PADI6: variants seen among roughly 807,000 people sequenced by gnomAD.
PADI6 encodes inactive protein-arginine deiminase type-6.
In PADI6, 66 loss-of-function variants were observed where a neutral mutation model predicts 78.2. That is an observed-to-expected ratio of 0.84 (90% CI 0.69 to 1.04). The LOEUF (loss-of-function observed/expected upper bound fraction) is 1.04, where lower values mean the gene tolerates loss of function less well. Ranked by LOEUF, PADI6 falls within the 50% of genes least tolerant of loss-of-function variation. The probability of loss-of-function intolerance (pLI) is 0.00; values close to 1 mark genes in which losing one functional copy is unlikely to be tolerated. For missense variants in PADI6, 854 were observed against 866.1 expected (o/e 0.99, Z 0.18); for synonymous variants, 397 against 346.9 (o/e 1.14, Z -1.60).
In PADI6 at chr1:17,394,966, C is replaced by T. The variant is rs1382857705; in HGVS notation, c.1353C>T (p.Ala451=). ...TTCCTTCTAGCGCAGAGGGCCGGGCCATGAGTAAGACCCTCCGAGACTTCC... is the reference window on the plus strand; with the variant it reads ...TTCCTTCTAGCGCAGAGGGCCGGGCTATGAGTAAGACCCTCCGAGACTTCC... ...SSFYPSAEGR[A]MSKTLRDFLY... The change falls in exon 12 of 16, where the codon GCC becomes GCT. Residue 451 remains alanine (A), a synonymous_variant. Transcript: ENST00000619609. The T allele has an allele frequency of 1.9e-6, 3 of 1,612,320 alleles. No individual in the cohort carries two copies. The South Asian group carries it at 3.3e-5, about 18-fold the overall frequency.
In PADI6 at chr1:17,388,535, C is replaced by T. The variant is rs776667635; in HGVS notation, c.834C>T (p.Ser278=). Residue 278 remains serine (S), a synonymous_variant, in exon 7 of 16, where the codon TCC becomes TCT. Transcript: ENST00000619609. ...CAGGCCTCATCTCCTACTCTGTGTC[C>T]CTGGTGGAGGAGTCTCAAGACCCGG... ...EFSGLISYSV[S]LVEESQDPSI... 3 of 1,612,760 alleles carry T rather than the reference C, an allele frequency of 1.9e-6. No individual in the cohort carries two copies. Among genetic ancestry groups the T allele is most frequent in the South Asian group, 2.2e-5 (2 of 90,960 alleles).
At position 17,377,615 on chromosome 1, in the gene PADI6, G is replaced by A. The variant is rs561159701; in HGVS notation, c.367+2116G>A. Among the ~76,000 whole-genome samples, 4 of 152,348 alleles carry A rather than the reference G, an allele frequency of 2.6e-5. No homozygotes were observed. In the South Asian group the frequency reaches 6.2e-4, roughly 24 times the overall value. On this transcript the variant is annotated intron_variant, in intron 3 of 15. Transcript: ENST00000619609. The stretch of plus-strand genomic sequence containing the variant: ...AGTAGTCCCTCCATCACAGTAGGCG[G>A]TAGCTCCATCCTTCTAGTGTAAACC...
chr1:17,374,778 A>G (rs2074999310), intron 2 of PADI6, among the ~76,000 whole-genome samples: 1 of 152,182 alleles, frequency 6.6e-6, no homozygotes, highest in South Asian at 2.1e-4. Context: ...TAAAGCTTCT[A>G]TTTAAGGATG....
intron 5 of PADI6, 102 bp from the exon 6 acceptor site, chr1:17,381,865 G>A: frequency 2.9e-6 from 4 of 1,379,192 alleles, no homozygotes; most frequent in Non-Finnish European, 4.1e-6. Flanking sequence ...GGGGTCCTTG[G>A]TGCTCTGTTC....
intron 3 of PADI6, among the ~76,000 whole-genome samples, chr1:17,376,236 G>A (rs1204870799): frequency 6.6e-6 from 1 of 151,898 alleles, no homozygotes; most frequent in Non-Finnish European, 1.5e-5. Context: ...GCCTCCCCAA[G>A]TGCTGGGATT....
chr1:17,394,070 G>T lies in PADI6; in HGVS notation c.1170G>T (p.Met390Ile). The change falls in exon 10 of 16, where the codon ATG becomes ATT. Residue 390 changes from methionine (M) to isoleucine (I), a missense_variant. Met to Ile is a conservative substitution (Grantham distance 10, BLOSUM62 1). Transcript: ENST00000619609. ...CCGCCGATCTCGATGAGTTCCCCATGAAGTACTCACTGGTGTGGAACTTGG... is the reference window on the plus strand; with the variant it reads ...CCGCCGATCTCGATGAGTTCCCCATTAAGTACTCACTGGTGTGGAACTTGG... ...PQAADLDEFP[M>I]KYSLSPGIGY... is the part of the protein sequence containing the mutation. The T allele has an allele frequency of 6.2e-7, 1 of 1,613,630 alleles. No homozygotes were observed. Among genetic ancestry groups the T allele is most frequent in the South Asian group, 1.1e-5 (1 of 91,072 alleles).
In PADI6 at chr1:17,395,074, C is replaced by T; in HGVS notation, c.1461C>T (p.Phe487=). 6.2e-7 allele frequency: 1 copy of T among 1,614,014 alleles called. No individual in the cohort carries two copies. The highest frequency in any genetic ancestry group is 8.5e-7 in the Non-Finnish European group (1 of 1,179,888). The part of the protein sequence containing the change: ...MTGHVDEFMC[F]IPTDDKNEGK... ...GCCACGTGGATGAGTTCATGTGCTT[C>T]ATCCCCACAGATGACAAGAATGAGG... The change falls in exon 12 of 16, where the codon TTC becomes TTT. Residue 487 remains phenylalanine, a synonymous_variant. Coordinates refer to ENST00000619609, the MANE Select transcript of PADI6 (RefSeq NM_207421.4).
Position 17,372,369 on chromosome 1 carries a change from G to A in PADI6, c.116+8G>A, listed in dbSNP as rs1168392090. The A allele has an allele frequency of 9.3e-6, 15 of 1,612,004 alleles. No individual in the cohort carries two copies. The highest frequency in any genetic ancestry group is 1.3e-5 in the Non-Finnish European group (15 of 1,178,262). Reference sequence around the variant, plus strand: ...CTGCTTGGATCTCAGCGGGTGAGATGCTGGGAGCTCTGCCAGAGGTGGCAG... The same window carrying A: ...CTGCTTGGATCTCAGCGGGTGAGATACTGGGAGCTCTGCCAGAGGTGGCAG... On this transcript the variant is annotated splice_region_variant and intron_variant, in intron 1 of 15. Transcript: ENST00000619609.
In PADI6 at chr1:17,386,532, G is replaced by A. The variant is rs188167140; in HGVS notation, c.680-1849G>A. 3.3e-5 allele frequency among the ~76,000 whole-genome samples: 5 copies of A among 152,358 alleles called. No homozygotes were observed. The East Asian group carries it at 7.7e-4, about 24-fold the overall frequency. On this transcript the variant is annotated intron_variant, in intron 6 of 15. Transcript: ENST00000619609. Reference sequence around the variant, plus strand: ...ATGCCGTGGGCCTGCTGATGCTATCGCAGGTCAAGAGGGCTGTGTCTGCAC... The same window carrying A: ...ATGCCGTGGGCCTGCTGATGCTATCACAGGTCAAGAGGGCTGTGTCTGCAC...
rs548863781 is a variant in PADI6 at position 17,375,093 on chromosome 1, G to C, written c.295-334G>C. Reference sequence around the variant, plus strand: ...GATGTATAGTGTGGTTTCAAGCTTGGGCTCTAGAGCCAGGCAGCCTGTTTC... The same window carrying C: ...GATGTATAGTGTGGTTTCAAGCTTGCGCTCTAGAGCCAGGCAGCCTGTTTC... On this transcript the variant is annotated intron_variant, in intron 2 of 15. Transcript: ENST00000619609. 3.3e-5 allele frequency among the ~76,000 whole-genome samples: 5 copies of C among 152,240 alleles called. No individual in the cohort carries two copies. The East Asian group carries it at 9.7e-4, about 29-fold the overall frequency.
intron 1 of PADI6, among the ~76,000 whole-genome samples, 180 bp from the exon 2 acceptor site, chr1:17,372,876 G>A (rs74587815): frequency 0.015 from 2,275 of 147,212 alleles, 61 homozygotes; most frequent in African/African-American, 0.054. Flanking sequence ...GGAGCCCGTC[G>A]GAGAGCAAAC....
At chr1:17,394,258 T>A (rs2075222917) in intron 10 of PADI6, 42 bp from the exon 11 acceptor site, 2 of 1,604,104 alleles carry the variant, frequency 1.2e-6, no homozygotes, top group South Asian at 2.2e-5. Flanking sequence ...CCTAAAGCCA[T>A]CCCCTACTAA....
At chr1:17,399,219 A>AC (rs1269023598) in intron 15 of PADI6, among the ~76,000 whole-genome samples, 1 of 152,190 alleles carries the variant, frequency 6.6e-6, no homozygotes, top group African/African-American at 2.4e-5. Context: ...GCCTTGAGCA[A>AC]CCTACCTCAG....
At position 17,388,834 on chromosome 1, in the gene PADI6, G is replaced by A. The variant is rs572087629; in HGVS notation, c.916G>A (p.Val306Ile). 6.2e-7 allele frequency: 1 copy of A among 1,613,846 alleles called. No homozygotes were observed. Among genetic ancestry groups the A allele is most frequent in the South Asian group, 1.1e-5 (1 of 91,002 alleles). Residue 306 changes from valine (V) to isoleucine (I), a missense_variant, in exon 8 of 16, where the codon GTC (valine) becomes ATC (isoleucine). Coordinates refer to ENST00000619609, the MANE Select transcript of PADI6 (RefSeq NM_207421.4). ...DTVVFRVAPC[V>I]FIPCTQVPLE... The stretch of plus-strand genomic sequence containing the variant: ...GGTGGTGTTCCGGGTGGCTCCCTGT[G>A]TCTTCATTCCCTGTACCCAGGTGCC...
At chr1:17,393,900 T>A in intron 9 of PADI6, 75 bp from the exon 10 acceptor site, 1 of 1,357,300 alleles carries the variant, frequency 7.4e-7, no homozygotes, top group Non-Finnish European at 1.0e-6. Flanking sequence ...AGGGGGTTCT[T>A]ACCGTACCTT....
At chr1:17,375,782 C>T (rs887939208) in intron 3 of PADI6, among the ~76,000 whole-genome samples, 7 of 152,118 alleles carry the variant, frequency 4.6e-5, no homozygotes, top group Non-Finnish European at 1.0e-4. Context: ...CCCACCTACG[C>T]CTGTCTAGTG....
chr1:17,395,129 A>G (rs1160883033), intron 12 of PADI6, 22 bp downstream of exon 12: 1 of 1,607,116 alleles, frequency 6.2e-7, no homozygotes, highest in Non-Finnish European at 8.5e-7. Context: ...GGTCTGGAGA[A>G]GGGACATCTG....
Position 17,381,933 on chromosome 1 carries a change from A to G in PADI6, c.554-34A>G, listed in dbSNP as rs777149297. 4.3e-6 allele frequency: 7 copies of G among 1,612,478 alleles called. No homozygotes were observed. In the South Asian group the frequency reaches 6.6e-5, roughly 15 times the overall value. ...CCACCCCCAGAGTGCTGGCCTCCAGACATTCCTTAACCTTTGCTTTGTCTT... is the reference window on the plus strand; with the variant it reads ...CCACCCCCAGAGTGCTGGCCTCCAGGCATTCCTTAACCTTTGCTTTGTCTT... On this transcript the variant is annotated intron_variant, in intron 5 of 15. Transcript: ENST00000619609.
chr1:17,388,114 GCAT>G (rs1309283673), intron 6 of PADI6, among the ~76,000 whole-genome samples: 3 of 151,902 alleles, frequency 2.0e-5, no homozygotes, highest in Non-Finnish European at 4.4e-5. Flanking sequence ...AGCCTTGAAG[GCAT>G]CATCACCTGA....
Sources: allele counts gnomAD v4.1 joint callset (sites outside exome capture counted in the v4.1 genomes callset), GRCh38; gene constraint gnomAD v4.1.1; transcripts MANE v1.5; gene names NCBI Gene and HGNC (gene_info 2026-07-23, HGNC 2026-07-21).